Variants in RIMKLB observed in about 807,000 individuals in gnomAD.
The protein encoded by RIMKLB is ribosomal modification protein rimK like family member B, also known as beta-citrylglutamate synthase B.
Under a neutral mutation model 32.0 loss-of-function variants are expected in RIMKLB, and 7 were observed. The ratio of observed to expected loss-of-function variants is 0.22; its 90% CI spans 0.12 to 0.41. The LOEUF (loss-of-function observed/expected upper bound fraction) is 0.41, where lower values mean the gene tolerates loss of function less well. RIMKLB is among the 10% of genes least tolerant of loss of function. The pLI is 1.00. For missense variants in RIMKLB, 289 were observed against 498.7 expected (o/e 0.58, Z 4.00); for synonymous variants, 172 against 185.1 (o/e 0.93, Z 0.57).
chr12:8,775,591 C>G lies in RIMKLB; in HGVS notation c.*1807C>G. The G allele has an allele frequency of 1.0e-6, 1 of 985,574 alleles. No individual in the cohort carries two copies. The highest frequency in any genetic ancestry group is 1.2e-6 in the Non-Finnish European group (1 of 829,740). 61.1% of individuals were successfully genotyped at this position (985,574 alleles called of 1,614,324 possible). A position where few individuals can be genotyped will look rare whatever the true frequency, so the allele number is the denominator to read the frequency against. On this transcript the variant is annotated 3_prime_UTR_variant, in exon 6 of 6. Coordinates refer to ENST00000535829, the MANE Select transcript of RIMKLB (RefSeq NM_001297776.2). ...GGACACTACTAGAGAGACTTCGAGG[C>G]AATAATAAAAGATCAGTATTAACCA...
downstream of RIMKLB, among the ~76,000 whole-genome samples, chr12:8,778,438 CAAG>C (rs886676543): frequency 3.3e-5 from 5 of 152,212 alleles, no homozygotes; most frequent in East Asian, 1.9e-4. Context: ...CTAGTTCTAA[CAAG>C]GAGATGTGAG....
At chr12:8,703,178 C>T (rs958453779) in intron 1 of RIMKLB, among the ~76,000 whole-genome samples, 1 of 151,872 alleles carries the variant, frequency 6.6e-6, no homozygotes, top group Non-Finnish European at 1.5e-5. Flanking sequence ...TTCAGCTACT[C>T]GGGAGGCTGA....
chr12:8,678,748 T>TC (rs1201617280), upstream of RIMKLB: 1 of 152,236 alleles, frequency 6.6e-6, no homozygotes. Context: ...GAGAGACTGT[T>TC]CAAGTTCTGT....
chr12:8,688,267 C>G (rs963940770), intron 1 of RIMKLB, among the ~76,000 whole-genome samples: 3 of 152,140 alleles, frequency 2.0e-5, no homozygotes, highest in Non-Finnish European at 4.4e-5. Context: ...TTGCCAAATG[C>G]ACTGTTCTGA....
At chr12:8,754,125 T>C in intron 5 of RIMKLB, 32 bp downstream of exon 5, 1 of 1,489,474 alleles carries the variant, frequency 6.7e-7, no homozygotes, top group South Asian at 1.1e-5. Context: ...TTCTAGTATA[T>C]AAAGTAACAT....
chr12:8,703,286 AAAAAAG>A (rs1173152757), intron 1 of RIMKLB, among the ~76,000 whole-genome samples: 12 of 152,268 alleles, frequency 7.9e-5, no homozygotes, highest in Middle Eastern at 3.4e-3. Context: ...TCCCTCTCAA[AAAAAAG>A]AAAAAGAAAA....
chr12:8,741,955 C>G, intron 2 of RIMKLB, among the ~76,000 whole-genome samples: 1 of 149,488 alleles, frequency 6.7e-6, no homozygotes, highest in East Asian at 1.9e-4. Flanking sequence ...GAGAGTCTTG[C>G]TCTTGTGCAA....
intron 5 of RIMKLB, among the ~76,000 whole-genome samples, chr12:8,771,664 T>C (rs1413193727): frequency 1.3e-5 from 2 of 152,184 alleles, no homozygotes; most frequent in African/African-American, 4.8e-5. Flanking sequence ...ATTTATTCTT[T>C]GTAAATTTTT....
At chr12:8,703,950 A>G (rs1017209908) in intron 1 of RIMKLB, among the ~76,000 whole-genome samples, 2 of 152,260 alleles carry the variant, frequency 1.3e-5, no homozygotes, top group African/African-American at 2.4e-5. Flanking sequence ...GAAAAAAAGC[A>G]TAGAGAAATA....
intron 2 of RIMKLB, among the ~76,000 whole-genome samples, chr12:8,745,496 G>A (rs751895082): frequency 6.6e-6 from 1 of 151,748 alleles, no homozygotes; most frequent in South Asian, 2.1e-4. Flanking sequence ...CCTGGTTCAA[G>A]CAGTTCTTCT....
chr12:8,693,573 T>A (rs1352901412), upstream of RIMKLB, among the ~76,000 whole-genome samples: 1 of 151,912 alleles, frequency 6.6e-6, no homozygotes, highest in East Asian at 1.9e-4. Flanking sequence ...ATTTTTATAT[T>A]TTTAATAGAG....
At chr12:8,674,395 C>T in the RIMKLB span, among the ~76,000 whole-genome samples, 7 of 151,696 alleles carry the variant, frequency 4.6e-5, no homozygotes, top group Middle Eastern at 3.2e-3. Flanking sequence ...CCCGCCACCA[C>T]GCCCTGCTAA....
downstream of RIMKLB, among the ~76,000 whole-genome samples, chr12:8,777,957 A>G (rs947802689): frequency 1.9e-4 from 29 of 152,366 alleles, no homozygotes; most frequent in East Asian, 5.4e-3. Context: ...ATATGATTAA[A>G]GAAGAGCTTT....
intron 2 of RIMKLB, among the ~76,000 whole-genome samples, chr12:8,748,615 A>G (rs1221170038): frequency 6.8e-6 from 1 of 147,726 alleles, no homozygotes; most frequent in Non-Finnish European, 1.5e-5. Context: ...TTTTTTATAT[A>G]TATATAATTT....
intron 1 of RIMKLB, among the ~76,000 whole-genome samples, chr12:8,711,289 G>T (rs114922534): frequency 6.6e-6 from 1 of 151,862 alleles, no homozygotes; most frequent in South Asian, 2.1e-4. Context: ...TCAGCTACTT[G>T]GGAGGCAGAG....
At chr12:8,704,631 C>T (rs767037529) in intron 1 of RIMKLB, among the ~76,000 whole-genome samples, 182 of 152,212 alleles carry the variant, frequency 1.2e-3, no homozygotes, top group African/African-American at 4.2e-3. Flanking sequence ...AATGTTAGCA[C>T]GTCTGTTAAG....
rs760056586 is a variant in RIMKLB, at chr12:8,692,003, G to A, written n.219+10185G>A. Among the ~76,000 whole-genome samples the A allele has an allele frequency of 6.0e-5, 9 of 149,636 alleles. No homozygotes were observed. The South Asian group carries it at 1.9e-3, about 32-fold the overall frequency. ...TCATGTTTCCCTGCACCAAGAGAGG[G>A]TTTTTTTTTTCCTTTAATACTTGAT... On this transcript the variant is annotated intron_variant and non_coding_transcript_variant, in intron 1 of 1. Coordinates refer to the RIMKLB transcript ENST00000538758.
intron 1 of RIMKLB, among the ~76,000 whole-genome samples, chr12:8,707,438 T>G (rs1342241471): frequency 1.3e-5 from 2 of 152,214 alleles, no homozygotes; most frequent in Non-Finnish European, 2.9e-5. Flanking sequence ...GCACGGAGCT[T>G]CTTTGCCCTT....
intron 1 of RIMKLB, among the ~76,000 whole-genome samples, chr12:8,712,730 A>C (rs1192188566): frequency 6.6e-6 from 1 of 152,164 alleles, no homozygotes; most frequent in Non-Finnish European, 1.5e-5. Flanking sequence ...AACCGTGTGC[A>C]CTGTGGAGCA....
Sources: allele counts gnomAD v4.1 joint callset (sites outside exome capture counted in the v4.1 genomes callset), GRCh38; gene constraint gnomAD v4.1.1; transcripts MANE v1.5; gene names NCBI Gene and HGNC (gene_info 2026-07-23, HGNC 2026-07-21).